The following DOCK8 variants were observed in gnomAD, a reference collection of about 807,000 sequenced individuals.
The protein encoded by DOCK8 is dedicator of cytokinesis 8.
Under a neutral mutation model 245.6 loss-of-function variants are expected in DOCK8, and 141 were observed. That is an observed-to-expected ratio of 0.57 (90% CI 0.50 to 0.66). The LOEUF (loss-of-function observed/expected upper bound fraction) is 0.66. DOCK8 is among the 30% of genes least tolerant of loss of function. The pLI is 0.00. For missense variants in DOCK8, 2,965 were observed against 2,603.4 expected (o/e 1.14, Z -3.02); for synonymous variants, 1,168 against 970.2 (o/e 1.20, Z -3.79).
At chr9:409,924 T>G (rs1405749049) in intron 28 of DOCK8, among the ~76,000 whole-genome samples, 2 of 152,180 alleles carry the variant, frequency 1.3e-5, no homozygotes, top group Non-Finnish European at 2.9e-5. Context: ...ATGTGCCACA[T>G]TTTCTTAATC....
At chr9:379,012 G>T (rs12347879) in intron 20 of DOCK8, among the ~76,000 whole-genome samples, 30,836 of 152,060 alleles carry the variant, frequency 0.2, 3,323 homozygotes, top group Middle Eastern at 0.28. Flanking sequence ...TCACAGGGTC[G>T]GTATGATTTT....
rs371502513 is a variant in DOCK8, at chr9:386,333, C to T, written c.2781C>T (p.Ile927=). Residue 927 remains isoleucine, a splice_region_variant and synonymous_variant, in exon 23 of 48, where the codon ATC becomes ATT. Transcript: ENST00000432829. Reference sequence around the variant, plus strand: ...AAGCCATGGTTTGTGTATTTTAGATCGCCGATCGCAACTGCAGCCGAATGT... The same window carrying T: ...AAGCCATGGTTTGTGTATTTTAGATTGCCGATCGCAACTGCAGCCGAATGT... The part of the protein sequence containing the change: ...EEVKNIMSSK[I]ADRNCSRMSY... The T allele has an allele frequency of 2.1e-5, 34 of 1,613,158 alleles. No homozygotes were observed. The highest frequency in any genetic ancestry group is 2.6e-5 in the Non-Finnish European group (31 of 1,179,506).
intron 24 of DOCK8, among the ~76,000 whole-genome samples, chr9:395,118 A>G (rs2054385485): frequency 6.6e-6 from 1 of 152,180 alleles, no homozygotes; most frequent in African/African-American, 2.4e-5. Context: ...AAATGGGTCC[A>G]GTTCCCACCC....
chr9:391,710 T>C lies in DOCK8; in HGVS notation c.2970+1144T>C, dbSNP rs142915186. On this transcript the variant is annotated intron_variant, in intron 24 of 47. Coordinates refer to ENST00000432829, the MANE Select transcript of DOCK8 (RefSeq NM_203447.4). ...GAGGTCTAAAGACATAGACACCAACTATATAAAAATATATATGCAAACAGT... is the reference window on the plus strand; with the variant it reads ...GAGGTCTAAAGACATAGACACCAACCATATAAAAATATATATGCAAACAGT... 5.7e-3 allele frequency among the ~76,000 whole-genome samples: 862 copies of C among 152,066 alleles called. 13 individuals are homozygous for C. Among genetic ancestry groups the C allele is most frequent in the African/African-American group, 0.02 (813 of 41,498 alleles).
chr9:245,557 C>G (rs1012686002), intron 1 of DOCK8, among the ~76,000 whole-genome samples: 9 of 152,172 alleles, frequency 5.9e-5, no homozygotes, highest in African/African-American at 1.9e-4. Flanking sequence ...GAATACATCT[C>G]TAATGATGAA....
At chr9:324,854 TA>T (rs1563922148) in intron 7 of DOCK8, among the ~76,000 whole-genome samples, 1 of 152,194 alleles carries the variant, frequency 6.6e-6, no homozygotes, top group Non-Finnish European at 1.5e-5. Flanking sequence ...GGCTTTAGGG[TA>T]AGTGGTTTTT....
At position 274,462 on chromosome 9, in the gene DOCK8, ATTCTTTTTTTTTTCTTTTCTTTCTT is replaced by A. The variant is rs1377896465; in HGVS notation, c.156+2747_156+2771del. On this transcript the variant is annotated intron_variant, in intron 2 of 47. Transcript: ENST00000432829. Reference sequence around the variant, plus strand: ...GGCATGTGGAAGCCCAGAGGATTGAATTCTTTTTTTTTTCTTTTCTTTCTTTTCTTTTTTTTTTTTTAGATGAATA... The same window carrying A: ...GGCATGTGGAAGCCCAGAGGATTGAATTCTTTTTTTTTTTTTAGATGAATA... 2.6e-5 allele frequency among the ~76,000 whole-genome samples: 3 copies of A among 114,096 alleles called. No individual in the cohort carries two copies. The East Asian group carries it at 8.8e-4, about 33-fold the overall frequency. The allele number at this position is 114,096 out of a possible 152,430, so 74.9% of individuals were successfully genotyped here.
intron 33 of DOCK8, among the ~76,000 whole-genome samples, chr9:426,100 A>G (rs1032807645): frequency 6.6e-6 from 1 of 152,102 alleles, no homozygotes. Flanking sequence ...CCTTGCAACT[A>G]GATTTGGATG....
intron 4 of DOCK8, among the ~76,000 whole-genome samples, chr9:300,349 C>T (rs139014463): frequency 2.6e-5 from 4 of 152,210 alleles, no homozygotes; most frequent in African/African-American, 7.2e-5. Context: ...TACCTAATAC[C>T]TTCCAATATC....
chr9:429,753 C>A lies in DOCK8; in HGVS notation c.4525C>A (p.His1509Asn). 6.2e-7 allele frequency: 1 copy of A among 1,614,196 alleles called. No individual in the cohort carries two copies. Residue 1509 changes from histidine to asparagine, a missense_variant, in exon 36 of 48, where the codon CAC (histidine) becomes AAC (asparagine). By Grantham distance (68) the His-to-Asn change is moderately conservative. Transcript: ENST00000432829. ...GGTGGAACAGTGTTTCGACCTATGT[C>A]ACCAAGTCCTGCACCACTGCAGCAG... ...EEVEQCFDLCHQVLHHCSSSM... is the reference protein window; with the variant it reads ...EEVEQCFDLCNQVLHHCSSSM...
chr9:400,913 TCCTTCACCATCACCACAACATCCACCA>T (rs1564016314), intron 26 of DOCK8, among the ~76,000 whole-genome samples: 5 of 37,338 alleles, frequency 1.3e-4, no homozygotes, highest in African/African-American at 3.2e-4. Flanking sequence ...TACCAACAGC[TCCTTCACCATCACCACAACATCCACCA>T]CCACCATCAC....
chr9:400,253 TCAC>T (rs1302962547), intron 26 of DOCK8, among the ~76,000 whole-genome samples: 4 of 19,022 alleles, frequency 2.1e-4, no homozygotes, highest in African/African-American at 1.4e-3. Flanking sequence ...ACCTCCACCA[TCAC>T]CACCACCTCC....
upstream of DOCK8, chr9:213,040 T>C (rs1006038119): frequency 6.6e-6 from 1 of 152,246 alleles, no homozygotes; most frequent in Non-Finnish European, 1.5e-5. Flanking sequence ...CTTTGTATTT[T>C]GCTATCCAAA....
intron 15 of DOCK8, chr9:369,201 C>T (rs1395448377): frequency 6.6e-6 from 1 of 152,158 alleles, no homozygotes; most frequent in Non-Finnish European, 1.5e-5. Flanking sequence ...CCTAACGTCC[C>T]ACCTGTCTTC....
chr9:304,767 C>G, intron 5 of DOCK8, 63 bp downstream of exon 5: 3 of 1,611,028 alleles, frequency 1.9e-6, no homozygotes, highest in Non-Finnish European at 2.5e-6. Flanking sequence ...GGCATGCTGT[C>G]AGTTTTACAA....
At chr9:304,123 T>C (rs2049692990) in intron 4 of DOCK8, among the ~76,000 whole-genome samples, 1 of 152,242 alleles carries the variant, frequency 6.6e-6, no homozygotes, top group South Asian at 2.1e-4. Flanking sequence ...TTTATTTTTA[T>C]TTTTTCTTAA....
intron 1 of DOCK8, among the ~76,000 whole-genome samples, chr9:229,388 G>T (rs1239500590): frequency 2.0e-5 from 3 of 152,140 alleles, no homozygotes; most frequent in Non-Finnish European, 4.4e-5. Context: ...TATATGTCTG[G>T]AAGAGCTAAA....
chr9:400,462 ATCACCACCAC>A (rs1450552739), intron 26 of DOCK8, among the ~76,000 whole-genome samples: 1 of 786 alleles, frequency 1.3e-3, no homozygotes, highest in Admixed American at 0.012. Context: ...CATCTTCACC[ATCACCACCAC>A]CCACCTCCTT....
intron 28 of DOCK8, among the ~76,000 whole-genome samples, chr9:414,013 G>T (rs2055874436): frequency 6.6e-6 from 1 of 152,012 alleles, no homozygotes; most frequent in African/African-American, 2.4e-5. Flanking sequence ...GTGGTGGCAG[G>T]TGCCTGTAGT....
Sources: gnomAD v4.1 joint callset for allele counts (sites outside exome capture counted in the v4.1 genomes callset) on GRCh38, gnomAD v4.1.1 for gene constraint, MANE v1.5 for transcripts, NCBI Gene and HGNC (gene_info 2026-07-23, HGNC 2026-07-21) for gene names.